Variants in XKRX observed in about 807,000 individuals in gnomAD.
XKRX encodes XK related X-linked, also known as XK-related protein 2.
Under a neutral mutation model 22.4 loss-of-function variants are expected in XKRX, and 11 were observed. The ratio of observed to expected loss-of-function variants is 0.49; its 90% CI spans 0.31 to 0.81. The LOEUF (loss-of-function observed/expected upper bound fraction) is 0.81, where lower values mean the gene tolerates loss of function less well. Among genes scored for constraint, XKRX ranks in the 40% least tolerant of loss-of-function variants. The pLI is 0.05. For missense variants in XKRX, 320 were observed against 336.5 expected (o/e 0.95, Z 0.38); for synonymous variants, 114 against 132.2 (o/e 0.86, Z 0.94).
At chrX:100,953,638 G>A in the XKRX span, among the ~76,000 whole-genome samples, 9 of 111,637 alleles carry the variant, frequency 8.1e-5, no homozygotes, top group Non-Finnish European at 1.7e-4. Flanking sequence ...GCCAGGCGTG[G>A]TGGCTCATGT....
At position 100,928,500 on chromosome X, in the gene XKRX, T is replaced by C; in HGVS notation, c.-196A>G. The C allele has an allele frequency of 9.2e-7, 1 of 1,084,777 alleles. No individual in the cohort carries two copies. Among genetic ancestry groups the C allele is most frequent in the South Asian group, 2.9e-5 (1 of 35,016 alleles). The allele number at this position is 1,084,777 out of a possible 1,213,427, so 89.4% of individuals were successfully genotyped here. ...CTCAGATTCGACTTGGAGTCTGGGA[T>C]GGAAAGCCCAGGAGTACCACTTTGA... On this transcript the variant is annotated 5_prime_UTR_variant, in exon 1 of 3. Transcript: ENST00000372956.
At position 100,928,207 on chromosome X, in the gene XKRX, A is replaced by C; in HGVS notation, c.98T>G (p.Phe33Cys). The C allele has an allele frequency of 1.7e-6, 2 of 1,212,022 alleles. No individual in the cohort carries two copies. The highest frequency in any genetic ancestry group is 2.2e-6 in the Non-Finnish European group (2 of 895,593). ...GGTGGAGAAAAGGATGCTAAATGGA[A>C]AAGTAAATCGGGGGTTGGCTCCACG... ...VIRGANPRFTFPFSILFSTFL... is the reference protein window; with the variant it reads ...VIRGANPRFTCPFSILFSTFL... Residue 33 changes from phenylalanine (F) to cysteine (C), a missense_variant, in exon 1 of 3, where the codon TTT becomes TGT. Phe to Cys is a radical substitution (Grantham distance 205, BLOSUM62 -2). Coordinates refer to ENST00000372956, the MANE Select transcript of XKRX (RefSeq NM_212559.3).
the XKRX span, among the ~76,000 whole-genome samples, chrX:100,956,236 A>C: frequency 1.8e-5 from 2 of 111,540 alleles, no homozygotes; most frequent in African/African-American, 6.5e-5. Context: ...ATCAGGAAGA[A>C]TAGCTAACGC....
chrX:100,928,650 G>A lies in XKRX; in HGVS notation c.-346C>T, dbSNP rs2085508837. 25 of 817,045 alleles carry A rather than the reference G, an allele frequency of 3.1e-5. No individual in the cohort carries two copies. The highest frequency in any genetic ancestry group is 3.7e-5 in the Non-Finnish European group (25 of 680,815). 67.3% of individuals were successfully genotyped at this position (817,045 alleles called of 1,213,427 possible). ...ACTCCAGGGACGTGAAGAGTCATGA[G>A]AACAGCGGCTTCCGTGGCGGCTCCT... On this transcript the variant is annotated 5_prime_UTR_variant, in exon 1 of 3. Transcript: ENST00000372956.
Position 100,922,802 on chromosome X carries a change from G to A in XKRX, c.595C>T (p.Leu199=), listed in dbSNP as rs751843914. The A allele has an allele frequency of 8.0e-5, 97 of 1,208,751 alleles. No homozygotes were observed. The highest frequency in any genetic ancestry group is 6.8e-4 in the Admixed American group (31 of 45,700). Residue 199 remains leucine (L), a synonymous_variant, in exon 2 of 3, where the codon CTG becomes TTG. Transcript: ENST00000372956. The part of the protein sequence containing the change: ...YVSLISAEVP[L]GRVVLMVFSL... The stretch of plus-strand genomic sequence containing the variant: ...TCCTGACCCCACTCACCTCTACCCA[G>A]GGGAACCTCTGCAGAGATCAGGCTC...
At chrX:100,930,823 G>A (rs778195355), upstream of XKRX, among the ~76,000 whole-genome samples, 149 of 1,003 alleles carry the variant, frequency 0.15, no homozygotes, top group Non-Finnish European at 0.2. Context: ...GATAGGGTGA[G>A]TTGGTCCCCC....
upstream of XKRX, among the ~76,000 whole-genome samples, chrX:100,932,541 C>T (rs1041169102): frequency 2.7e-5 from 3 of 112,304 alleles, no homozygotes; most frequent in Admixed American, 9.5e-5. Flanking sequence ...GAACAAAGAG[C>T]GCATCTAAAA....
At chrX:100,957,576 C>T in the XKRX span, 55 of 850,599 alleles carry the variant, frequency 6.5e-5, no homozygotes, top group Non-Finnish European at 9.3e-5. Context: ...AACCGCAAAC[C>T]AGCACTATTT....
At chrX:100,939,042 C>G in the XKRX span, among the ~76,000 whole-genome samples, 1 of 111,156 alleles carries the variant, frequency 9.0e-6, no homozygotes, top group Non-Finnish European at 1.9e-5. Flanking sequence ...GAAACAGTCT[C>G]CAGTATATAT....
At chrX:100,927,205 GTC>G (rs1379434169) in intron 1 of XKRX, among the ~76,000 whole-genome samples, 2 of 109,355 alleles carry the variant, frequency 1.8e-5, no homozygotes, top group South Asian at 4.1e-4. Context: ...TTGAGATGGA[GTC>G]TCACTCTATC....
chrX:100,918,832 T>G (rs1440017785), intron 2 of XKRX, among the ~76,000 whole-genome samples: 1 of 110,695 alleles, frequency 9.0e-6, no homozygotes, highest in African/African-American at 3.3e-5. Context: ...CCTCCTCCTC[T>G]TTCTTCCTAT....
the XKRX span, among the ~76,000 whole-genome samples, chrX:100,943,130 G>C: frequency 4.5e-5 from 5 of 111,798 alleles, no homozygotes; most frequent in East Asian, 1.4e-3. Context: ...GTGTATGTGT[G>C]TGTGTGTATT....
chrX:100,895,839 C>T, the XKRX span, among the ~76,000 whole-genome samples: 2 of 111,771 alleles, frequency 1.8e-5, no homozygotes, highest in Non-Finnish European at 3.8e-5. Flanking sequence ...AATGTAGACT[C>T]ATTAGCAATC....
chrX:100,929,620 G>A (rs934577830), upstream of XKRX, among the ~76,000 whole-genome samples: 1 of 111,778 alleles, frequency 8.9e-6, no homozygotes, highest in Admixed American at 9.5e-5. Flanking sequence ...GGGAGGAATA[G>A]GGTCAGAGTT....
intron 2 of XKRX, among the ~76,000 whole-genome samples, chrX:100,918,352 T>C (rs1286518985): frequency 1.8e-5 from 2 of 111,691 alleles, no homozygotes; most frequent in African/African-American, 6.5e-5. Context: ...CTCAGTCCCA[T>C]CCTCAAGAGC....
chrX:100,931,498 T>C (rs2085521976), upstream of XKRX, among the ~76,000 whole-genome samples: 1 of 111,103 alleles, frequency 9.0e-6, no homozygotes. Flanking sequence ...GTCCAAACCA[T>C]AACTTTCTTT....
At chrX:100,942,703 C>T in the XKRX span, among the ~76,000 whole-genome samples, 1 of 111,643 alleles carries the variant, frequency 9.0e-6, no homozygotes, top group Non-Finnish European at 1.9e-5. Flanking sequence ...CTGGGTTTAT[C>T]TCTGTGTCCA....
the XKRX span, among the ~76,000 whole-genome samples, chrX:100,945,886 C>A: frequency 9.4e-6 from 1 of 106,581 alleles, no homozygotes. Flanking sequence ...AAACAACGCA[C>A]ATAAAAACAT....
At chrX:100,905,616 C>CA in the XKRX span, among the ~76,000 whole-genome samples, 2 of 112,009 alleles carry the variant, frequency 1.8e-5, no homozygotes, top group Admixed American at 1.9e-4. Context: ...TCTACCCCCC[C>CA]ATATTGTTGG....
Sources: allele counts gnomAD v4.1 joint callset (sites outside exome capture counted in the v4.1 genomes callset), GRCh38; gene constraint gnomAD v4.1.1; transcripts MANE v1.5; gene names NCBI Gene and HGNC (gene_info 2026-07-23, HGNC 2026-07-21).